CFHR5: variants seen among roughly 807,000 people sequenced by gnomAD.
The protein encoded by CFHR5 is complement factor H related 5.
Under a neutral mutation model 62.9 loss-of-function variants are expected in CFHR5, and 73 were observed. The observed-to-expected ratio is 1.16, with a 90% CI of 0.96 to 1.41. The LOEUF (loss-of-function observed/expected upper bound fraction) is 1.41. Ranked by LOEUF, CFHR5 falls within the 40% of genes most tolerant of loss-of-function variation. The pLI, the probability that CFHR5 is intolerant of heterozygous loss-of-function variation, is 0.00. For synonymous variants in CFHR5, 249 were observed against 227.2 expected (o/e 1.10, Z -0.86); for missense variants, 779 against 679.9 (o/e 1.15, Z -1.62).
upstream of CFHR5, among the ~76,000 whole-genome samples, chr1:196,975,870 A>G (rs1049486356): frequency 2.0e-5 from 3 of 152,188 alleles, no homozygotes; most frequent in African/African-American, 7.2e-5. Context: ...GACTTGGATT[A>G]CAGATAGAAA....
chr1:196,983,906 A>T, intron 2 of CFHR5, 55 bp from the exon 3 acceptor site: 1 of 1,241,174 alleles, frequency 8.1e-7, no homozygotes, highest in Non-Finnish European at 1.2e-6. Flanking sequence ...AATATTTTTA[A>T]ATGCACTTTT....
At chr1:196,975,243 G>GA (rs1403334051), upstream of CFHR5, among the ~76,000 whole-genome samples, 1 of 152,086 alleles carries the variant, frequency 6.6e-6, no homozygotes, top group Non-Finnish European at 1.5e-5. Flanking sequence ...TGTTGGGAAT[G>GA]AAAAAATGAA....
chr1:196,987,780 T>C (rs909690718), intron 3 of CFHR5, among the ~76,000 whole-genome samples: 1 of 152,146 alleles, frequency 6.6e-6, no homozygotes, highest in Non-Finnish European at 1.5e-5. Flanking sequence ...AGCCTTGTAG[T>C]ATAGTTTGAA....
At chr1:196,978,515 A>G (rs960285695) in intron 1 of CFHR5, among the ~76,000 whole-genome samples, 6 of 152,148 alleles carry the variant, frequency 3.9e-5, no homozygotes, top group Non-Finnish European at 7.4e-5. Flanking sequence ...TTTTTATTTT[A>G]CTGCTTTACT....
At chr1:197,004,968 AATAC>A (rs1654250285) in intron 9 of CFHR5, 125 bp downstream of exon 9, 1 of 767,690 alleles carries the variant, frequency 1.3e-6, no homozygotes, top group Admixed American at 2.5e-5. Context: ...GTCAAATGTA[AATAC>A]ATACAAGGAA....
Position 196,996,215 on chromosome 1 carries a change from C to T in CFHR5, c.970+14C>T, listed in dbSNP as rs751255149. On this transcript the variant is annotated intron_variant, in intron 6 of 9. Coordinates refer to ENST00000256785, the MANE Select transcript of CFHR5 (RefSeq NM_030787.4). ...CTATGTGTGTTGGTGAGAAAACATT[C>T]CTAAACTTTATATTTGATTATTTAT... The T allele has an allele frequency of 4.1e-5, 65 of 1,571,496 alleles. No individual in the cohort carries two copies. The highest frequency in any genetic ancestry group is 5.4e-5 in the Non-Finnish European group (62 of 1,141,628).
chr1:196,986,256 G>A (rs1653678600), intron 3 of CFHR5, among the ~76,000 whole-genome samples: 1 of 152,116 alleles, frequency 6.6e-6, no homozygotes, highest in African/African-American at 2.4e-5. Context: ...ATGTTGCAGG[G>A]ATTAGTATGG....
rs1558287641 is a variant in CFHR5 at position 196,996,127 on chromosome 1, A to G, written c.896A>G (p.Asn299Ser). ...HGVSVEVNCR[N>S]EYAMIGNNMI... ...GTTTCAGTCGAGGTGAATTGCAGAA[A>G]TGAATATGCAATGATTGGAAATAAC... The change falls in exon 6 of 10, where the codon AAT becomes AGT. Residue 299 changes from asparagine (N) to serine (S), a missense_variant. Coordinates refer to ENST00000256785, the MANE Select transcript of CFHR5 (RefSeq NM_030787.4). The G allele has an allele frequency of 1.2e-6, 2 of 1,611,778 alleles. No individual in the cohort carries two copies. The highest frequency in any genetic ancestry group is 1.7e-6 in the Non-Finnish European group (2 of 1,177,940).
Position 196,995,881 on chromosome 1 carries a change from A to C in CFHR5, c.772A>C (p.Thr258Pro). Residue 258 changes from threonine to proline, a missense_variant, in exon 5 of 10, where the codon ACT becomes CCT. Thr to Pro is a conservative substitution (Grantham distance 38, BLOSUM62 -1). Coordinates refer to ENST00000256785, the MANE Select transcript of CFHR5 (RefSeq NM_030787.4). ...ACAATGTGTGGATGGAGAATGGACA[A>C]CTTTACCCACTTGTGTTGGTAAATA... ...KIQCVDGEWT[T>P]LPTCVEQVKT... 6.2e-7 allele frequency: 1 copy of C among 1,612,986 alleles called. No homozygotes were observed. Among genetic ancestry groups the C allele is most frequent in the Non-Finnish European group, 8.5e-7 (1 of 1,179,134 alleles).
chr1:197,002,450 TA>T (rs757610825), intron 7 of CFHR5, 31 bp from the exon 8 acceptor site: 1 of 1,561,476 alleles, frequency 6.4e-7, no homozygotes, highest in Admixed American at 1.7e-5. Flanking sequence ...TAACTTTTAT[TA>T]ATCATATAAT....
intron 3 of CFHR5, among the ~76,000 whole-genome samples, 171 bp from the exon 4 acceptor site, chr1:196,993,909 G>T (rs1248979719): frequency 6.6e-6 from 1 of 152,086 alleles, no homozygotes; most frequent in East Asian, 1.9e-4. Flanking sequence ...TGCCTGAGGG[G>T]TCTTAGATAT....
chr1:196,975,594 T>C (rs773686917), upstream of CFHR5, among the ~76,000 whole-genome samples: 2 of 152,174 alleles, frequency 1.3e-5, no homozygotes, highest in African/African-American at 2.4e-5. Flanking sequence ...AGCAGGTAGT[T>C]TTCTTCTGAT....
intron 9 of CFHR5, among the ~76,000 whole-genome samples, chr1:197,005,171 A>C (rs2125040076): frequency 6.6e-6 from 1 of 152,320 alleles, no homozygotes; most frequent in East Asian, 1.9e-4. Context: ...CTTCTCACAG[A>C]GACCCTTTGA....
At chr1:196,984,325 T>A (rs1653625715) in intron 3 of CFHR5, among the ~76,000 whole-genome samples, 188 bp downstream of exon 3, 1 of 152,172 alleles carries the variant, frequency 6.6e-6, no homozygotes, top group South Asian at 2.1e-4. Flanking sequence ...AAATCAAATG[T>A]ACGTAATAAG....
chr1:196,998,403 A>G, intron 7 of CFHR5, 99 bp downstream of exon 7: 2 of 1,004,676 alleles, frequency 2.0e-6, no homozygotes, highest in Non-Finnish European at 3.0e-6. Context: ...TTATTGTGGC[A>G]TATAATTTCT....
chr1:196,985,765 G>A (rs1653668934), intron 3 of CFHR5, among the ~76,000 whole-genome samples: 1 of 152,128 alleles, frequency 6.6e-6, no homozygotes, highest in Non-Finnish European at 1.5e-5. Flanking sequence ...GTTAGTCTTT[G>A]AACAATTCGG....
In CFHR5 at chr1:196,992,534, G is replaced by A. The variant is rs567407293; in HGVS notation, c.431-1546G>A. Among the ~76,000 whole-genome samples the A allele has an allele frequency of 5.3e-5, 8 of 152,200 alleles. No homozygotes were observed. In the Middle Eastern group the frequency reaches 0.01, roughly 194 times the overall value. ...GGCTCCCCCTCCATGGACTGCACCC[G>A]CTGTCCAACCAGTCCCAGTGAGATG... On this transcript the variant is annotated intron_variant, in intron 3 of 9. Transcript: ENST00000256785.
chr1:196,982,443 G>A (rs1271395886), intron 1 of CFHR5, among the ~76,000 whole-genome samples: 5 of 152,148 alleles, frequency 3.3e-5, no homozygotes, highest in East Asian at 1.9e-4. Flanking sequence ...AGGCCGAGGC[G>A]CATGGATCAC....
chr1:196,991,654 A>C (rs1380457885), intron 3 of CFHR5, among the ~76,000 whole-genome samples: 2 of 152,172 alleles, frequency 1.3e-5, no homozygotes, highest in Non-Finnish European at 1.5e-5. Flanking sequence ...ATTTTGCTGG[A>C]GGTCCAGTCC....
Sources: allele counts gnomAD v4.1 joint callset (sites outside exome capture counted in the v4.1 genomes callset), GRCh38; gene constraint gnomAD v4.1.1; transcripts MANE v1.5; gene names NCBI Gene and HGNC (gene_info 2026-07-23, HGNC 2026-07-21).